STT3B: variants seen among roughly 807,000 people sequenced by gnomAD.
The protein encoded by STT3B is dolichyl-diphosphooligosaccharide--protein glycosyltransferase subunit STT3B.
A neutral mutation model predicts 96.8 loss-of-function variants in STT3B; 29 were observed. The observed-to-expected ratio is 0.30, with a 90% CI of 0.22 to 0.41. The LOEUF (loss-of-function observed/expected upper bound fraction) is 0.41. Ranked by LOEUF, STT3B falls within the 10% of genes least tolerant of loss-of-function variation. The pLI is 1.00. For missense variants in STT3B, 640 were observed against 1,022.3 expected (o/e 0.63, Z 5.10); for synonymous variants, 367 against 360.0 (o/e 1.02, Z -0.22).
rs112710389 is a variant in STT3B, at chr3:31,553,434, T to C, written c.314+20122T>C. 2.6e-3 allele frequency among the ~76,000 whole-genome samples: 401 copies of C among 152,226 alleles called. 2 individuals carry two copies. The highest frequency in any genetic ancestry group is 9.5e-3 in the African/African-American group (393 of 41,534). Reference sequence around the variant, plus strand: ...CATTAAATGGAATACTACTCAGCAGTAAAAAAGAATAAACTGTTGGTATAT... The same window carrying C: ...CATTAAATGGAATACTACTCAGCAGCAAAAAAGAATAAACTGTTGGTATAT... On this transcript the variant is annotated intron_variant, in intron 1 of 15. Transcript: ENST00000295770.
At chr3:31,543,803 G>C (rs142605177) in intron 1 of STT3B, among the ~76,000 whole-genome samples, 1 of 152,200 alleles carries the variant, frequency 6.6e-6, no homozygotes, top group Non-Finnish European at 1.5e-5. Context: ...CTTTGAGGAA[G>C]ATTTTAGTTT....
chr3:31,617,062 T>C lies in STT3B; in HGVS notation c.1110T>C (p.Tyr370=), dbSNP rs1699321635. ...AAGAVFLSVI[Y]LTYTGYIAPW... The stretch of plus-strand genomic sequence containing the variant: ...GTGCTGTGTTCCTTAGTGTCATCTA[T>C]TTGACTTATACAGGTACGTGTTATC... The change falls in exon 7 of 16, where the codon TAT becomes TAC. Residue 370 remains tyrosine, a synonymous_variant. Coordinates refer to ENST00000295770, the MANE Select transcript of STT3B (RefSeq NM_178862.3). 6.2e-7 allele frequency: 1 copy of C among 1,607,806 alleles called. No individual in the cohort carries two copies.
At chr3:31,593,586 G>A (rs995529286) in intron 3 of STT3B, among the ~76,000 whole-genome samples, 2 of 151,838 alleles carry the variant, frequency 1.3e-5, no homozygotes, top group African/African-American at 4.8e-5. Flanking sequence ...TCTGTTCTTT[G>A]GGTTGGATAC....
At chr3:31,544,522 G>A (rs1196955001) in intron 1 of STT3B, among the ~76,000 whole-genome samples, 1 of 152,098 alleles carries the variant, frequency 6.6e-6, no homozygotes, top group Non-Finnish European at 1.5e-5. Flanking sequence ...CAGTATTCCT[G>A]TGAATCCTAA....
At chr3:31,609,795 G>A (rs113375677) in intron 5 of STT3B, among the ~76,000 whole-genome samples, 23,946 of 151,900 alleles carry the variant, frequency 0.16, 2,260 homozygotes, top group East Asian at 0.25. Flanking sequence ...GGGTTTCACC[G>A]TGTTGGGCAG....
Position 31,629,442 on chromosome 3 carries a change from A to C in STT3B, c.2187+31A>C, listed in dbSNP as rs1012043659. ...TTAAATCCATTTTTCTCTAATTTTC[A>C]TTCAAAATAATGTTTAAAACAAGTC... is the stretch of plus-strand genomic sequence containing the variant. On this transcript the variant is annotated intron_variant, in intron 14 of 15. Coordinates refer to ENST00000295770, the MANE Select transcript of STT3B (RefSeq NM_178862.3). 22 of 1,211,886 alleles carry C rather than the reference A, an allele frequency of 1.8e-5. No homozygotes were observed. In the Admixed American group the frequency reaches 3.7e-4, roughly 20 times the overall value. The allele number at this position is 1,211,886 out of a possible 1,614,324, so 75.1% of individuals were successfully genotyped here.
At chr3:31,573,412 T>C (rs537795615) in intron 1 of STT3B, among the ~76,000 whole-genome samples, 1 of 152,248 alleles carries the variant, frequency 6.6e-6, no homozygotes, top group Non-Finnish European at 1.5e-5. Context: ...TTCAGTAGTC[T>C]AGTTAAAAGA....
At chr3:31,635,956 T>A in intron 15 of STT3B, 28 bp from the exon 16 acceptor site, 1 of 1,550,360 alleles carries the variant, frequency 6.5e-7, no homozygotes, top group Non-Finnish European at 8.8e-7. Context: ...AAACCTGCAT[T>A]AATACTATGT....
chr3:31,573,692 T>A (rs1436255350), intron 1 of STT3B, among the ~76,000 whole-genome samples: 1 of 152,108 alleles, frequency 6.6e-6, no homozygotes, highest in African/African-American at 2.4e-5. Context: ...TTTGTGACAT[T>A]CAAGAAAAAC....
intron 3 of STT3B, among the ~76,000 whole-genome samples, chr3:31,589,718 G>A (rs1294071096): frequency 4.6e-5 from 7 of 151,792 alleles, no homozygotes; most frequent in Non-Finnish European, 1.0e-4. Flanking sequence ...TGCTAAATTT[G>A]CATGTTAAAA....
At chr3:31,611,157 A>G (rs746377860) in intron 5 of STT3B, among the ~76,000 whole-genome samples, 6 of 152,174 alleles carry the variant, frequency 3.9e-5, no homozygotes, top group African/African-American at 1.2e-4. Context: ...AGGTCTTCTG[A>G]AAACACTAGA....
intron 3 of STT3B, among the ~76,000 whole-genome samples, chr3:31,590,621 G>T (rs933730919): frequency 3.3e-5 from 5 of 151,820 alleles, no homozygotes; most frequent in African/African-American, 1.2e-4. Context: ...TAATTCTGTT[G>T]TTGAAGACCA....
intron 1 of STT3B, among the ~76,000 whole-genome samples, chr3:31,556,035 C>G (rs1697701872): frequency 6.6e-6 from 1 of 152,040 alleles, no homozygotes; most frequent in Non-Finnish European, 1.5e-5. Context: ...TGACCAATCT[C>G]TCTTCATCTC....
chr3:31,614,115 G>A (rs915012653), intron 5 of STT3B, among the ~76,000 whole-genome samples: 2 of 151,804 alleles, frequency 1.3e-5, no homozygotes, highest in African/African-American at 2.4e-5. Flanking sequence ...ATCTAAGTTG[G>A]GTGAGGAGGA....
intron 1 of STT3B, among the ~76,000 whole-genome samples, chr3:31,536,013 C>T (rs1697083754): frequency 6.6e-6 from 1 of 151,996 alleles, no homozygotes; most frequent in African/African-American, 2.4e-5. Context: ...AATATAATGT[C>T]TAATTCAGGT....
At chr3:31,603,453 TAA>T (rs1187215022) in intron 5 of STT3B, among the ~76,000 whole-genome samples, 13 of 152,132 alleles carry the variant, frequency 8.5e-5, no homozygotes, top group African/African-American at 2.9e-4. Context: ...AATTTTCTGT[TAA>T]GAGATATTTT....
intron 14 of STT3B, 98 bp from the exon 15 acceptor site, chr3:31,632,837 A>T: frequency 9.7e-7 from 1 of 1,027,636 alleles, no homozygotes; most frequent in East Asian, 2.4e-5. Context: ...TCCTAGTTTA[A>T]AGGGAGAAGG....
intron 2 of STT3B, among the ~76,000 whole-genome samples, chr3:31,577,793 C>T (rs554986456): frequency 2.6e-5 from 4 of 152,194 alleles, no homozygotes; most frequent in South Asian, 2.1e-4. Flanking sequence ...GTAGTACATA[C>T]GGCAGATAGC....
chr3:31,565,288 C>A (rs10222558), intron 1 of STT3B, among the ~76,000 whole-genome samples: 1 of 152,174 alleles, frequency 6.6e-6, no homozygotes, highest in Non-Finnish European at 1.5e-5. Flanking sequence ...GTTACACTTA[C>A]TATTCAAATG....
Sources: allele counts gnomAD v4.1 joint callset (sites outside exome capture counted in the v4.1 genomes callset), GRCh38; gene constraint gnomAD v4.1.1; transcripts MANE v1.5; gene names NCBI Gene and HGNC (gene_info 2026-07-23, HGNC 2026-07-21).